LRRC37A2: variants seen among roughly 807,000 people sequenced by gnomAD.
LRRC37A2 encodes the protein leucine-rich repeat-containing protein 37A2.
A neutral mutation model predicts 68.8 loss-of-function variants in LRRC37A2; 9 were observed. That is an observed-to-expected ratio of 0.13 (90% CI 0.08 to 0.23). The LOEUF (loss-of-function observed/expected upper bound fraction) is 0.23. LRRC37A2 is among the 10% of genes least tolerant of loss of function. The pLI is 1.00. For synonymous variants in LRRC37A2, 63 were observed against 367.6 expected, an observed-to-expected ratio of 0.17 and a Z score of 9.48; for missense variants, 168 against 950.4, an observed-to-expected ratio of 0.18 and a Z score of 10.82.
chr17:46,942,012 T>C, the LRRC37A2 span: 1 of 945,068 alleles, frequency 1.1e-6, no homozygotes, highest in South Asian at 4.9e-5. Flanking sequence ...TCTTACTGTT[T>C]ATATCCTACC....
At chr17:46,768,796 T>G in the LRRC37A2 span, 1 of 1,613,330 alleles carries the variant, frequency 6.2e-7, no homozygotes, top group East Asian at 2.2e-5. The surrounding 1 kb of genome is among the most constrained non-coding windows in gnomAD (Gnocchi z 5.0). Context: ...TGGTCCAGGA[T>G]AGTCTGGGGG....
At chr17:46,766,913 T>C in the LRRC37A2 span, among the ~76,000 whole-genome samples, 2 of 152,160 alleles carry the variant, frequency 1.3e-5, no homozygotes, top group Admixed American at 6.5e-5. Flanking sequence ...TCCTTTCATT[T>C]GTCCCTCACA....
At chr17:46,758,902 C>T in the LRRC37A2 span, among the ~76,000 whole-genome samples, 1 of 152,158 alleles carries the variant, frequency 6.6e-6, no homozygotes, top group Non-Finnish European at 1.5e-5. Flanking sequence ...TCCATAGCCT[C>T]TTTAAAGAAG....
chr17:46,929,607 C>T, the LRRC37A2 span: 22 of 1,217,994 alleles, frequency 1.8e-5, no homozygotes, highest in Non-Finnish European at 2.4e-5. Context: ...CTGTGGAGAC[C>T]AGAGTCCTTT....
the LRRC37A2 span, among the ~76,000 whole-genome samples, chr17:46,911,148 T>G: frequency 6.6e-6 from 1 of 152,206 alleles, no homozygotes; most frequent in Non-Finnish European, 1.5e-5. Flanking sequence ...TTCAACTCAG[T>G]GAAGTACATA....
At chr17:46,950,101 C>T in the LRRC37A2 span, among the ~76,000 whole-genome samples, 1 of 152,202 alleles carries the variant, frequency 6.6e-6, no homozygotes, top group African/African-American at 2.4e-5. Flanking sequence ...CAGGGAGAAC[C>T]CACTTTCATA....
At chr17:46,703,625 C>T in the LRRC37A2 span, among the ~76,000 whole-genome samples, 7 of 137,062 alleles carry the variant, frequency 5.1e-5, no homozygotes, top group South Asian at 2.3e-4. Flanking sequence ...GAGCTTGCAG[C>T]GTCCGAGATC....
chr17:46,722,038 C>T, the LRRC37A2 span: 1 of 1,609,516 alleles, frequency 6.2e-7, no homozygotes, highest in Non-Finnish European at 8.5e-7. Flanking sequence ...CCGTAATATT[C>T]AGCTCCCTGA....
chr17:46,785,173 G>A, the LRRC37A2 span, among the ~76,000 whole-genome samples: 1 of 152,138 alleles, frequency 6.6e-6, no homozygotes, highest in Non-Finnish European at 1.5e-5. Context: ...GGACCTCCCA[G>A]CCCTAACCAT....
chr17:47,029,862 A>C, the LRRC37A2 span, among the ~76,000 whole-genome samples: 1 of 151,978 alleles, frequency 6.6e-6, no homozygotes, highest in African/African-American at 2.4e-5. Flanking sequence ...TCAGGAGTTC[A>C]AGACCAGCCT....
chr17:47,004,558 GCT>G, the LRRC37A2 span, among the ~76,000 whole-genome samples: 1 of 152,198 alleles, frequency 6.6e-6, no homozygotes, highest in Admixed American at 6.5e-5. Context: ...ACAGGGTCTT[GCT>G]CTGTCACCCA....
chr17:47,009,380 C>A, the LRRC37A2 span, among the ~76,000 whole-genome samples: 2 of 152,206 alleles, frequency 1.3e-5, no homozygotes, highest in African/African-American at 4.8e-5. Flanking sequence ...AGACTTGACT[C>A]ATGGGCCCCA....
downstream of LRRC37A2, chr17:46,557,036 AC>A: frequency 2.5e-6 from 1 of 395,118 alleles, no homozygotes; most frequent in Non-Finnish European, 4.3e-6. Context: ...GTGCATATGT[AC>A]CCCCTAACCT....
At chr17:46,916,231 T>C in the LRRC37A2 span, among the ~76,000 whole-genome samples, 1 of 152,220 alleles carries the variant, frequency 6.6e-6, no homozygotes, top group Admixed American at 6.5e-5. Context: ...TGTCCTCTCT[T>C]GCCTCTGATC....
At chr17:46,758,988 T>C in the LRRC37A2 span, among the ~76,000 whole-genome samples, 1 of 152,168 alleles carries the variant, frequency 6.6e-6, no homozygotes, top group Non-Finnish European at 1.5e-5. Context: ...GGCAATCACC[T>C]GAGGTCAGGA....
chr17:47,012,652 A>G, the LRRC37A2 span, among the ~76,000 whole-genome samples: 4 of 152,234 alleles, frequency 2.6e-5, no homozygotes, highest in Non-Finnish European at 2.9e-5. Context: ...CCATCCAGGA[A>G]ATGCAAATCA....
At chr17:46,838,046 A>G in the LRRC37A2 span, among the ~76,000 whole-genome samples, 1,406 of 152,046 alleles carry the variant, frequency 9.2e-3, 24 homozygotes, top group African/African-American at 0.031. Flanking sequence ...CATTGCTCCA[A>G]CCCCTGTGTT....
chr17:46,375,034 CCT>C, the LRRC37A2 span, among the ~76,000 whole-genome samples: 38 of 98,550 alleles, frequency 3.9e-4, 9 homozygotes, highest in African/African-American at 1.4e-3. Context: ...GTACCCATGT[CCT>C]CTGCCCTATC....
the LRRC37A2 span, among the ~76,000 whole-genome samples, chr17:46,765,870 G>C: frequency 6.6e-6 from 1 of 152,240 alleles, no homozygotes; most frequent in Non-Finnish European, 1.5e-5. Flanking sequence ...AAATGAAGAA[G>C]CCAGGGCTCA....
Sources: allele counts gnomAD v4.1 joint callset (sites outside exome capture counted in the v4.1 genomes callset), GRCh38; gene constraint gnomAD v4.1.1; non-coding constraint Gnocchi (gnomAD v3.1); transcripts MANE v1.5; gene names NCBI Gene and HGNC (gene_info 2026-07-23, HGNC 2026-07-21).